Variants in PTPRD observed in about 807,000 individuals in gnomAD.
The protein encoded by PTPRD is receptor-type tyrosine-protein phosphatase delta.
In PTPRD, 34 loss-of-function variants were observed where a neutral mutation model predicts 214.5. The ratio of observed to expected loss-of-function variants is 0.16; its 90% CI spans 0.12 to 0.21. The LOEUF (loss-of-function observed/expected upper bound fraction) is 0.21. Ranked by LOEUF, PTPRD falls within the 10% of genes least tolerant of loss-of-function variation. The pLI is 1.00. For synonymous variants in PTPRD, 1,128 were observed against 845.7 expected, an observed-to-expected ratio of 1.33 and a Z score of -5.79; for missense variants, 2,545 against 2,398.7, an observed-to-expected ratio of 1.06 and a Z score of -1.27.
chr9:9,931,286 G>A (rs923960148), intron 5 of PTPRD, among the ~76,000 whole-genome samples: 5 of 152,196 alleles, frequency 3.3e-5, no homozygotes, highest in African/African-American at 9.6e-5. Flanking sequence ...GCAGAAGACA[G>A]GTGATTTCTG....
At chr9:9,593,766 T>C (rs2093007092) in intron 7 of PTPRD, among the ~76,000 whole-genome samples, 1 of 152,048 alleles carries the variant, frequency 6.6e-6, no homozygotes, top group African/African-American at 2.4e-5. Flanking sequence ...CACCTGATTA[T>C]TAGCCACAAT....
intron 5 of PTPRD, among the ~76,000 whole-genome samples, chr9:9,871,330 A>G (rs1376960818): frequency 6.6e-6 from 1 of 152,194 alleles, no homozygotes; most frequent in Non-Finnish European, 1.5e-5. Flanking sequence ...AGAGAAATCC[A>G]TTGACACAAA....
intron 5 of PTPRD, among the ~76,000 whole-genome samples, chr9:9,845,152 CTATATATAGAGCAATATATA>C (rs1249194551): frequency 2.5e-4 from 2 of 7,902 alleles, no homozygotes; most frequent in Admixed American, 1.5e-3. Context: ...ATATATTGCT[CTATATATAGAGCAATATATA>C]TATATATATT....
At chr9:10,516,080 G>C (rs1566672030) in intron 2 of PTPRD, among the ~76,000 whole-genome samples, 1 of 151,678 alleles carries the variant, frequency 6.6e-6, no homozygotes, top group Non-Finnish European at 1.5e-5. Flanking sequence ...AAATTATTTT[G>C]AACAAATATC....
chr9:9,343,781 T>C (rs1171764450), intron 9 of PTPRD, among the ~76,000 whole-genome samples: 2 of 151,934 alleles, frequency 1.3e-5, no homozygotes, highest in East Asian at 1.9e-4. Flanking sequence ...GAAACAAATA[T>C]ATTCTTTTTA....
At chr9:10,324,417 T>A (rs1285907801) in intron 3 of PTPRD, among the ~76,000 whole-genome samples, 1 of 152,020 alleles carries the variant, frequency 6.6e-6, no homozygotes, top group Non-Finnish European at 1.5e-5. Context: ...TGATGGCAAG[T>A]CGGTATGACT....
intron 9 of PTPRD, among the ~76,000 whole-genome samples, chr9:9,340,688 G>A (rs2046440007): frequency 1.3e-5 from 2 of 152,182 alleles, no homozygotes; most frequent in Admixed American, 1.3e-4. Flanking sequence ...AAAGCTGTTG[G>A]ACATGCTGTT....
chr9:8,899,040 C>T (rs2098643511), intron 11 of PTPRD, among the ~76,000 whole-genome samples: 1 of 152,142 alleles, frequency 6.6e-6, no homozygotes, highest in Non-Finnish European at 1.5e-5. Context: ...CAGTGATCCA[C>T]CTATCAAATG....
intron 11 of PTPRD, among the ~76,000 whole-genome samples, chr9:8,746,416 G>A (rs1415881327): frequency 6.6e-6 from 1 of 152,078 alleles, no homozygotes; most frequent in Non-Finnish European, 1.5e-5. Context: ...CAGAGTGGCA[G>A]CGAAAAAAAT....
Position 10,275,852 on chromosome 9 carries a change from C to A in PTPRD, c.-545+65111G>T, listed in dbSNP as rs545900501. The stretch of plus-strand genomic sequence containing the variant: ...GTGATGCCCCAAGTGGAGAAAAATC[C>A]CTGAGGGACATGAAATGAAAGAAGA... On this transcript the variant is annotated intron_variant, in intron 3 of 45. Coordinates refer to ENST00000381196, the MANE Select transcript of PTPRD (RefSeq NM_002839.4). Among the ~76,000 whole-genome samples, 15 of 152,154 alleles carry A rather than the reference C, an allele frequency of 9.9e-5. No homozygotes were observed. In the South Asian group the frequency reaches 1.9e-3, roughly 19 times the overall value.
intron 5 of PTPRD, among the ~76,000 whole-genome samples, chr9:9,928,757 T>C (rs73402658): frequency 0.089 from 13,116 of 147,184 alleles, 1,962 homozygotes; most frequent in African/African-American, 0.31. Flanking sequence ...TCTCTCTCTA[T>C]ACACACACAC....
chr9:10,068,227 C>T (rs1433708229), intron 3 of PTPRD, among the ~76,000 whole-genome samples: 2 of 151,792 alleles, frequency 1.3e-5, no homozygotes, highest in African/African-American at 2.4e-5. Context: ...GCTTACATTC[C>T]AAATCTGCCA....
intron 2 of PTPRD, among the ~76,000 whole-genome samples, chr9:10,495,646 G>A (rs971509696): frequency 5.9e-5 from 9 of 151,690 alleles, no homozygotes; most frequent in Non-Finnish European, 1.2e-4. Flanking sequence ...GGATAAAAGA[G>A]GAAAATATTC....
intron 12 of PTPRD, among the ~76,000 whole-genome samples, chr9:8,689,346 T>C (rs1258934041): frequency 6.6e-6 from 1 of 152,232 alleles, no homozygotes; most frequent in Non-Finnish European, 1.5e-5. Context: ...GAAGACTTAC[T>C]GGGTTAATCT....
At chr9:8,871,012 G>T (rs2098290260) in intron 11 of PTPRD, among the ~76,000 whole-genome samples, 1 of 152,120 alleles carries the variant, frequency 6.6e-6, no homozygotes, top group Non-Finnish European at 1.5e-5. Flanking sequence ...AGACCACTAG[G>T]TGCCCCCTCC....
chr9:8,897,726 T>C (rs541618190), intron 11 of PTPRD, among the ~76,000 whole-genome samples: 2 of 152,174 alleles, frequency 1.3e-5, no homozygotes, highest in Non-Finnish European at 2.9e-5. Context: ...GGTAAAGACG[T>C]TGGCAACCTG....
At chr9:9,743,211 A>C (rs1205908758) in intron 6 of PTPRD, among the ~76,000 whole-genome samples, 2 of 152,180 alleles carry the variant, frequency 1.3e-5, no homozygotes, top group Non-Finnish European at 1.5e-5. Context: ...ACAATTTTAT[A>C]TAAATGTAAA....
chr9:9,467,551 C>A (rs2094279775), intron 8 of PTPRD, among the ~76,000 whole-genome samples: 1 of 129,460 alleles, frequency 7.7e-6, no homozygotes, highest in Admixed American at 9.7e-5. Flanking sequence ...TGTGCCACTG[C>A]ACTCCAGCCT....
At chr9:9,736,389 G>A (rs1435341991) in intron 6 of PTPRD, among the ~76,000 whole-genome samples, 1 of 151,854 alleles carries the variant, frequency 6.6e-6, no homozygotes, top group Non-Finnish European at 1.5e-5. Flanking sequence ...TACTCCTATA[G>A]TATTCCATTG....
Sources: allele counts gnomAD v4.1 joint callset (sites outside exome capture counted in the v4.1 genomes callset), GRCh38; gene constraint gnomAD v4.1.1; transcripts MANE v1.5; gene names NCBI Gene and HGNC (gene_info 2026-07-23, HGNC 2026-07-21).